The following TMED6 variants were observed in gnomAD, a reference collection of about 807,000 sequenced individuals.
TMED6 encodes transmembrane p24 trafficking protein 6.
TMED6 carries 17 observed loss-of-function variants against 26.5 expected under a neutral mutation model. The ratio of observed to expected loss-of-function variants is 0.64; its 90% CI spans 0.44 to 0.96. TMED6 has a LOEUF of 0.96. TMED6 is among the 40% of genes least tolerant of loss of function. TMED6 has a pLI of 0.00. For synonymous variants in TMED6, 107 were observed against 106.2 expected, an observed-to-expected ratio of 1.01 and a Z score of -0.04; for missense variants, 309 against 296.5, an observed-to-expected ratio of 1.04 and a Z score of -0.31.
At chr16:69,347,959 A>G in intron 2 of TMED6, 23 bp from the exon 3 acceptor site, 1 of 1,612,998 alleles carries the variant, frequency 6.2e-7, no homozygotes, top group Non-Finnish European at 8.5e-7. Context: ...TTAGATCATT[A>G]CCAAGTCTTT....
chr16:69,351,480 C>G (rs1258309014), intron 1 of TMED6, 61 bp downstream of exon 1: 1 of 1,532,016 alleles, frequency 6.5e-7, no homozygotes, highest in Non-Finnish European at 8.9e-7. Flanking sequence ...TAAAACCTGA[C>G]CCACTTTATG....
Position 69,345,020 on chromosome 16 carries a change from C to T in TMED6, c.490-1380G>A, listed in dbSNP as rs376301017. Among the ~76,000 whole-genome samples the T allele has an allele frequency of 2.6e-4, 39 of 152,206 alleles. 3 individuals carry two copies. Among genetic ancestry groups the T allele is most frequent in the Admixed American group, 1.9e-3 (29 of 15,284 alleles). ...ATAAGAATCACTTGAACCCGGGAGG[C>T]GGAGGTTGCAGTGAGCCAAAATTGT... On this transcript the variant is annotated intron_variant, in intron 3 of 3. Coordinates refer to ENST00000288025, the MANE Select transcript of TMED6 (RefSeq NM_144676.4).
rs377067532 is a variant in TMED6 at position 69,349,621 on chromosome 16, G to A, written c.244C>T (p.Arg82Trp). 42 of 1,613,654 alleles carry A rather than the reference G, an allele frequency of 2.6e-5. No individual in the cohort carries two copies. Among genetic ancestry groups the A allele is most frequent in the Middle Eastern group, 3.3e-4 (2 of 6,066 alleles). ...TTATGTGCCGTGGCAGCAACATGCC[G>A]GTCATGTGACATCCCCACTGTCCGC... is the stretch of plus-strand genomic sequence containing the variant. Reference protein sequence around the residue: ...VQRTVGMSHDRHVAATAHNPQ... With the variant: ...VQRTVGMSHDWHVAATAHNPQ... Residue 82 changes from arginine (R) to tryptophan (W), a missense_variant, in exon 2 of 4, where the codon CGG (arginine) becomes TGG (tryptophan). Transcript: ENST00000288025.
intron 3 of TMED6, among the ~76,000 whole-genome samples, chr16:69,347,436 G>A (rs2012703469): frequency 6.6e-6 from 1 of 152,164 alleles, no homozygotes; most frequent in South Asian, 2.1e-4. Flanking sequence ...TCGGCTTACT[G>A]CAACCTCTGC....
rs533861707 is a variant in TMED6, at chr16:69,349,710, G to C, written c.214-59C>G. The stretch of plus-strand genomic sequence containing the variant: ...CTGCTACATCACGAGGAAGCCAGCT[G>C]AGTGGTAAGATTGACGTCCCACGGT... On this transcript the variant is annotated intron_variant, in intron 1 of 3. Transcript: ENST00000288025. The C allele has an allele frequency of 2.4e-5, 38 of 1,584,268 alleles. No homozygotes were observed. The African/African-American group carries it at 5.1e-4, about 21-fold the overall frequency.
chr16:69,343,666 G>C, intron 3 of TMED6, 26 bp from the exon 4 acceptor site: 1 of 1,599,310 alleles, frequency 6.3e-7, no homozygotes, highest in Non-Finnish European at 8.6e-7. Flanking sequence ...TTTTAAGGGG[G>C]ATTCTTCCAA....
At chr16:69,345,191 C>T (rs1466272166) in intron 3 of TMED6, among the ~76,000 whole-genome samples, 2 of 151,966 alleles carry the variant, frequency 1.3e-5, no homozygotes, top group African/African-American at 2.4e-5. Context: ...GCAGGAGAAT[C>T]GCTTGAACCT....
At chr16:69,347,432 T>C (rs1023138396) in intron 3 of TMED6, among the ~76,000 whole-genome samples, 3 of 152,260 alleles carry the variant, frequency 2.0e-5, no homozygotes, top group Admixed American at 6.5e-5. Context: ...GATCTCGGCT[T>C]ACTGCAACCT....
chr16:69,345,169 CAGG>C (rs2012664092), intron 3 of TMED6, among the ~76,000 whole-genome samples: 1 of 151,706 alleles, frequency 6.6e-6, no homozygotes, highest in Non-Finnish European at 1.5e-5. Flanking sequence ...CCCAGCTACT[CAGG>C]AGGCCGAGGC....
intron 3 of TMED6, among the ~76,000 whole-genome samples, chr16:69,344,467 G>C (rs1439937887): frequency 5.3e-5 from 8 of 152,194 alleles, no homozygotes; most frequent in Admixed American, 5.2e-4. Context: ...GCATTTAGGA[G>C]AGACTATTAA....
intron 2 of TMED6, among the ~76,000 whole-genome samples, chr16:69,348,724 C>T (rs1020678821): frequency 1.1e-4 from 17 of 152,056 alleles, no homozygotes; most frequent in Admixed American, 9.2e-4. Flanking sequence ...AAGCAATTCT[C>T]TTGCCTCAGC....
At chr16:69,348,677 G>A (rs1328950351) in intron 2 of TMED6, among the ~76,000 whole-genome samples, 6 of 151,790 alleles carry the variant, frequency 4.0e-5, no homozygotes, top group South Asian at 2.1e-4. Context: ...GTGCAATGGC[G>A]CGCTCTCGGC....
chr16:69,350,178 A>C (rs1413968131), intron 1 of TMED6, among the ~76,000 whole-genome samples: 4 of 150,388 alleles, frequency 2.7e-5, no homozygotes, highest in African/African-American at 9.8e-5. Context: ...AGGCTGAGGC[A>C]GGAGAATTGC....
At chr16:69,345,671 ACT>A (rs1422788393) in intron 3 of TMED6, among the ~76,000 whole-genome samples, 5 of 120,072 alleles carry the variant, frequency 4.2e-5, no homozygotes, top group East Asian at 2.2e-4. Context: ...CGACAGACTG[ACT>A]CTCTCAAAAA....
Position 69,351,621 on chromosome 16 carries a change from C to T in TMED6, c.133G>A (p.Ala45Thr). ...LFRGADRYDF[A>T]IMIPPGGTEC... ...GTGCCTCCTGGAGGTATCATGATGG[C>T]AAAGTCATATCGATCAGCTCCACGG... is the stretch of plus-strand genomic sequence containing the variant. The change falls in exon 1 of 4, where the codon GCC becomes ACC. Residue 45 changes from alanine to threonine, a missense_variant. By Grantham distance (58) the Ala-to-Thr change is moderately conservative. Transcript: ENST00000288025. The T allele has an allele frequency of 6.2e-7, 1 of 1,614,042 alleles. No individual in the cohort carries two copies. Among genetic ancestry groups the T allele is most frequent in the African/African-American group, 1.3e-5 (1 of 74,978 alleles).
At chr16:69,349,795 GTTGA>G (rs992611834) in intron 1 of TMED6, 144 bp from the exon 2 acceptor site, 1 of 958,620 alleles carries the variant, frequency 1.0e-6, no homozygotes, top group Non-Finnish European at 1.5e-6. Context: ...GGGGTTTGGA[GTTGA>G]TTGGAGGATT....
intron 1 of TMED6, among the ~76,000 whole-genome samples, chr16:69,351,154 T>G (rs2012769562): frequency 6.6e-6 from 1 of 152,182 alleles, no homozygotes. Context: ...CCCCATAAGC[T>G]GAAGCAGCCT....
chr16:69,347,868 C>G lies in TMED6; in HGVS notation c.409G>C (p.Gly137Arg). 1 of 1,614,098 alleles carries G rather than the reference C, an allele frequency of 6.2e-7. No homozygotes were observed. The highest frequency in any genetic ancestry group is 1.7e-5 in the Admixed American group (1 of 60,008). Residue 137 changes from glycine (G) to arginine (R), a missense_variant, in exon 3 of 4, where the codon GGG becomes CGG. Transcript: ENST00000288025. ...GTCTCAGGCCCCTCATAGAAGACCCCAAAGTTGAGGTACACTTGCACAGAA... is the reference window on the plus strand; with the variant it reads ...GTCTCAGGCCCCTCATAGAAGACCCGAAAGTTGAGGTACACTTGCACAGAA... Reference protein sequence around the residue: ...FGSVQVYLNFGVFYEGPETDH... With the variant: ...FGSVQVYLNFRVFYEGPETDH...
intron 3 of TMED6, among the ~76,000 whole-genome samples, chr16:69,347,584 T>C (rs569148656): frequency 6.6e-6 from 1 of 152,180 alleles, no homozygotes; most frequent in Middle Eastern, 3.2e-3. Flanking sequence ...GGTTTCGAAC[T>C]CCTGACCTCA....
Sources: allele counts gnomAD v4.1 joint callset (sites outside exome capture counted in the v4.1 genomes callset), GRCh38; gene constraint gnomAD v4.1.1; transcripts MANE v1.5; gene names NCBI Gene and HGNC (gene_info 2026-07-23, HGNC 2026-07-21).